Variants in SLC8A1 observed in about 807,000 individuals in gnomAD.
SLC8A1 encodes the protein solute carrier family 8 member A1, also known as sodium/calcium exchanger 1.
Under a neutral mutation model 68.3 loss-of-function variants are expected in SLC8A1, and 18 were observed. The ratio of observed to expected loss-of-function variants is 0.26; its 90% CI spans 0.18 to 0.39. The LOEUF (loss-of-function observed/expected upper bound fraction) is 0.39. SLC8A1 is among the 10% of genes least tolerant of loss of function. SLC8A1 has a pLI of 1.00. For synonymous variants in SLC8A1, 475 were observed against 415.5 expected, an observed-to-expected ratio of 1.14 and a Z score of -1.74; for missense variants, 985 against 1,156.7, an observed-to-expected ratio of 0.85 and a Z score of 2.15.
intron 1 of SLC8A1, chr2:40,512,308 G>T (rs1706793232): frequency 1.3e-5 from 2 of 152,220 alleles, no homozygotes; most frequent in Non-Finnish European, 2.9e-5. Context: ...ATTTGCAAAT[G>T]ATCCTTTATA....
chr2:40,108,838 G>T (rs111399832), exon 8 of SLC8A1: 1 of 152,198 alleles, frequency 6.6e-6, no homozygotes, highest in Admixed American at 6.5e-5. Flanking sequence ...ATTAGAGGGA[G>T]GGCCAAAAGT....
At chr2:40,351,486 C>T (rs568889663) in intron 2 of SLC8A1, among the ~76,000 whole-genome samples, 1 of 152,110 alleles carries the variant, frequency 6.6e-6, no homozygotes, top group South Asian at 2.1e-4. Context: ...TCCTTGTCTG[C>T]CCCTCCTGTG....
At chr2:40,488,706 A>C (rs1476596093) in intron 1 of SLC8A1, among the ~76,000 whole-genome samples, 1 of 152,148 alleles carries the variant, frequency 6.6e-6, no homozygotes, top group African/African-American at 2.4e-5. Flanking sequence ...TTTAAAGGTT[A>C]TTTAAATTCA....
intron 2 of SLC8A1, among the ~76,000 whole-genome samples, chr2:40,214,766 A>T (rs1310036996): frequency 2.0e-5 from 3 of 152,152 alleles, no homozygotes; most frequent in Non-Finnish European, 4.4e-5. Flanking sequence ...CTTAACTCAT[A>T]TAATGGATCA....
intron 4 of SLC8A1, among the ~76,000 whole-genome samples, chr2:40,173,350 T>G (rs547776771): frequency 6.6e-6 from 1 of 152,128 alleles, no homozygotes; most frequent in Non-Finnish European, 1.5e-5. Context: ...TAGTGCACAG[T>G]TGGGGACATC....
intron 7 of SLC8A1, among the ~76,000 whole-genome samples, chr2:40,119,162 G>T (rs1172542729): frequency 6.6e-6 from 1 of 152,026 alleles, no homozygotes; most frequent in Admixed American, 6.5e-5. Context: ...ATAATAATAG[G>T]TTCCTATTTT....
chr2:40,406,130 A>G (rs540651438), intron 2 of SLC8A1, among the ~76,000 whole-genome samples: 16 of 152,302 alleles, frequency 1.1e-4, no homozygotes, highest in African/African-American at 3.6e-4. Context: ...TAAAATATAC[A>G]CACATTCAAA....
intron 2 of SLC8A1, among the ~76,000 whole-genome samples, chr2:40,240,499 A>G (rs1174589194): frequency 4.6e-5 from 7 of 152,206 alleles, no homozygotes; most frequent in Admixed American, 4.6e-4. Flanking sequence ...CCACTGTAGT[A>G]TTAGAGAAAT....
chr2:40,150,336 C>T (rs2043187660), intron 6 of SLC8A1, among the ~76,000 whole-genome samples: 1 of 152,180 alleles, frequency 6.6e-6, no homozygotes, highest in Non-Finnish European at 1.5e-5. Context: ...TTTTATGTGG[C>T]TCCTCTCTGC....
intron 2 of SLC8A1, among the ~76,000 whole-genome samples, chr2:40,258,562 G>A (rs1318319867): frequency 4.6e-5 from 7 of 152,020 alleles, no homozygotes; most frequent in Admixed American, 6.6e-5. Flanking sequence ...TTTACTGGCC[G>A]GGCACTGGTG....
chr2:40,278,467 CAAACA>C (rs149146644), intron 2 of SLC8A1, among the ~76,000 whole-genome samples: 4,312 of 150,722 alleles, frequency 0.029, 166 homozygotes, highest in African/African-American at 0.087. Context: ...GACTCTGTCT[CAAACA>C]AAACAAAACA....
At chr2:40,210,273 G>A (rs143010794) in intron 2 of SLC8A1, among the ~76,000 whole-genome samples, 105 of 152,296 alleles carry the variant, frequency 6.9e-4, no homozygotes, top group African/African-American at 2.4e-3. Flanking sequence ...AGCTGCAGAT[G>A]AGTGCCTGAA....
intron 2 of SLC8A1, among the ~76,000 whole-genome samples, chr2:40,327,812 C>T (rs888332961): frequency 1.3e-5 from 2 of 152,094 alleles, no homozygotes; most frequent in East Asian, 3.9e-4. Flanking sequence ...TGGTCCCTAC[C>T]TGGGTGATGG....
intron 2 of SLC8A1, among the ~76,000 whole-genome samples, chr2:40,388,607 G>A (rs775622570): frequency 1.3e-5 from 2 of 152,052 alleles, no homozygotes; most frequent in Non-Finnish European, 2.9e-5. Context: ...TTGGGTAAAC[G>A]TTCTTGTTAA....
Position 40,313,693 on chromosome 2 carries a change from G to A in SLC8A1, c.1808+114780C>T, listed in dbSNP as rs184008671. Among the ~76,000 whole-genome samples, 863 of 152,040 alleles carry A rather than the reference G, an allele frequency of 5.7e-3. 4 individuals carry two copies. The highest frequency in any genetic ancestry group is 0.01 in the Non-Finnish European group (696 of 67,954). ...GTTGGGATTACAGGCGTGAGTCACA[G>A]TACCTGGATATGGTCAATTTTTAAT... On this transcript the variant is annotated intron_variant, in intron 2 of 7. Transcript: ENST00000406785.
At chr2:40,468,947 T>C (rs752046006) in intron 1 of SLC8A1, among the ~76,000 whole-genome samples, 4 of 152,086 alleles carry the variant, frequency 2.6e-5, no homozygotes, top group Non-Finnish European at 4.4e-5. Flanking sequence ...AAAATCAAAG[T>C]AAAGCCAATC....
chr2:40,428,568 G>C (rs774752331), exon 2 of SLC8A1: 11 of 1,613,614 alleles, frequency 6.8e-6, no homozygotes, highest in Admixed American at 1.7e-5. Context: ...TATATGGAAC[G>C]ATAACATTTC....
chr2:40,200,192 T>A (rs7579514), intron 2 of SLC8A1, among the ~76,000 whole-genome samples: 3,036 of 9,376 alleles, frequency 0.32, 630 homozygotes, highest in Middle Eastern at 0.5. Flanking sequence ...ATATATATAT[T>A]TATATATATA....
At chr2:40,436,590 A>C (rs1258949852) in intron 1 of SLC8A1, among the ~76,000 whole-genome samples, 1 of 152,096 alleles carries the variant, frequency 6.6e-6, no homozygotes, top group Non-Finnish European at 1.5e-5. Flanking sequence ...ATGCTCTGTT[A>C]AGAGGGCCCT....
Sources: allele counts gnomAD v4.1 joint callset (sites outside exome capture counted in the v4.1 genomes callset), GRCh38; gene constraint gnomAD v4.1.1; transcripts MANE v1.5; gene names NCBI Gene and HGNC (gene_info 2026-07-23, HGNC 2026-07-21).